The following UBA2 variants were observed in gnomAD, a reference collection of about 807,000 sequenced individuals.
UBA2 encodes SUMO-activating enzyme subunit 2.
Under a neutral mutation model 77.2 loss-of-function variants are expected in UBA2, and 11 were observed. The observed-to-expected ratio is 0.14, with a 90% CI of 0.09 to 0.24. The LOEUF is 0.24. Among genes scored for constraint, UBA2 ranks in the 10% least tolerant of loss-of-function variants. The pLI is 1.00. For missense variants in UBA2, 487 were observed against 781.7 expected, an observed-to-expected ratio of 0.62 and a Z score of 4.50; for synonymous variants, 278 against 276.7, an observed-to-expected ratio of 1.00 and a Z score of -0.05.
intron 3 of UBA2, 28 bp downstream of exon 3, chr19:34,431,959 T>A (rs747071507): frequency 2.5e-6 from 2 of 806,652 alleles, no homozygotes; most frequent in Non-Finnish European, 3.6e-6. Flanking sequence ...CATTGCAAAG[T>A]TGTATAAGGG....
intron 6 of UBA2, among the ~76,000 whole-genome samples, chr19:34,443,567 G>A (rs150061644): frequency 0.015 from 2,234 of 150,678 alleles, 25 homozygotes; most frequent in South Asian, 0.025. Flanking sequence ...TCAGCTTCCC[G>A]AGTAGCTGGG....
At chr19:34,458,191 G>A (rs900136980) in intron 12 of UBA2, among the ~76,000 whole-genome samples, 3 of 152,142 alleles carry the variant, frequency 2.0e-5, no homozygotes, top group African/African-American at 7.2e-5. Flanking sequence ...GCAGAAGAAC[G>A]CGGAGTCTTA....
In UBA2 at chr19:34,450,335, C is replaced by T; in HGVS notation, c.842C>T (p.Pro281Leu). The stretch of plus-strand genomic sequence containing the variant: ...TGGCGGAAAAGGAAACCTCCAGTTC[C>T]GTTGGACTGGGCTGAAGTACAAAGT... ...KLWRKRKPPV[P>L]LDWAEVQSQG... The change falls in exon 9 of 17, where the codon CCG (proline) becomes CTG (leucine). Residue 281 changes from proline (P) to leucine (L), a missense_variant. Coordinates refer to ENST00000246548, the MANE Select transcript of UBA2 (RefSeq NM_005499.3). 3 of 1,609,078 alleles carry T rather than the reference C, an allele frequency of 1.9e-6. No homozygotes were observed. The highest frequency in any genetic ancestry group is 1.7e-5 in the Admixed American group (1 of 58,388).
In UBA2 at chr19:34,458,717, G is replaced by A. The variant is rs1019236631; in HGVS notation, c.1246-52G>A. 77 of 1,519,858 alleles carry A rather than the reference G, an allele frequency of 5.1e-5. 1 individual carries two copies. In the East Asian group the frequency reaches 1.4e-3, roughly 27 times the overall value. The allele number at this position is 1,519,858 out of a possible 1,614,324, so 94.1% of individuals were successfully genotyped here. ...TAAACGAGATTTTAGATTGTATGGC[G>A]TATAAAATTACAGCACGTTTCCGAT... On this transcript the variant is annotated intron_variant, in intron 12 of 16. Transcript: ENST00000246548.
intron 2 of UBA2, among the ~76,000 whole-genome samples, chr19:34,431,115 C>T (rs764859905): frequency 1.1e-4 from 17 of 152,040 alleles, no homozygotes; most frequent in Non-Finnish European, 2.2e-4. Context: ...CAAACCCCCA[C>T]TTGTTTCTCT....
chr19:34,455,413 A>C (rs895416421), intron 12 of UBA2, among the ~76,000 whole-genome samples: 1 of 152,080 alleles, frequency 6.6e-6, no homozygotes, highest in Non-Finnish European at 1.5e-5. Context: ...CTTAAGGCTA[A>C]CACTACTTGG....
At chr19:34,441,853 G>A (rs1295221001) in intron 6 of UBA2, among the ~76,000 whole-genome samples, 4 of 151,610 alleles carry the variant, frequency 2.6e-5, no homozygotes, top group African/African-American at 4.8e-5. Context: ...CCTGGGAGGC[G>A]GAGGTTGAAG....
chr19:34,431,252 T>TC (rs2075251181), intron 2 of UBA2, among the ~76,000 whole-genome samples: 1 of 134,894 alleles, frequency 7.4e-6, no homozygotes. Flanking sequence ...TTCTTTTTTT[T>TC]TTTTTTTTTT....
In UBA2 at chr19:34,452,052, G is replaced by T. The variant is rs748445837; in HGVS notation, c.943G>T (p.Val315Leu). 13 of 1,611,216 alleles carry T rather than the reference G, an allele frequency of 8.1e-6. No homozygotes were observed. The African/African-American group carries it at 1.6e-4, about 20-fold the overall frequency. The part of the protein sequence containing the change: ...LGLKDQQVLD[V>L]KSYARLFSKS... ...CCTGAAAGACCAGCAGGTTCTAGAT[G>T]TAAAGAGCTATGCACGTCTTTTTTC... is the stretch of plus-strand genomic sequence containing the variant. Residue 315 changes from valine to leucine, a missense_variant, in exon 10 of 17, where the codon GTA (valine) becomes TTA (leucine). Transcript: ENST00000246548.
chr19:34,433,453 C>G (rs1258868912), intron 4 of UBA2, 41 bp downstream of exon 4: 1 of 1,269,508 alleles, frequency 7.9e-7, no homozygotes, highest in Non-Finnish European at 1.1e-6. Context: ...AGTATTTCCT[C>G]TCTCCCATAT....
intron 9 of UBA2, among the ~76,000 whole-genome samples, chr19:34,451,004 G>A (rs1431306698): frequency 2.6e-5 from 4 of 151,914 alleles, no homozygotes; most frequent in Non-Finnish European, 5.9e-5. Flanking sequence ...GAAATGAAAA[G>A]TTTTTTGAGG....
At chr19:34,452,741 A>G (rs1029042631) in intron 10 of UBA2, among the ~76,000 whole-genome samples, 18 of 152,172 alleles carry the variant, frequency 1.2e-4, no homozygotes, top group Non-Finnish European at 2.1e-4. Context: ...TGAAGCTTGT[A>G]TGTTCCTGTG....
intron 1 of UBA2, chr19:34,430,336 CAA>C: frequency 2.7e-6 from 1 of 376,384 alleles, no homozygotes; most frequent in Non-Finnish European, 4.8e-6. Flanking sequence ...ATTAAACAAA[CAA>C]AATATACCAT....
At chr19:34,438,841 T>A in intron 6 of UBA2, 75 bp downstream of exon 6, 2 of 1,547,894 alleles carry the variant, frequency 1.3e-6, no homozygotes, top group South Asian at 1.2e-5. Context: ...TTAATTACCT[T>A]GAAGAGATTG....
rs77340642 is a variant in UBA2, at chr19:34,460,466, G to A, written c.1402-4G>A. ...ATTTTGAATCCTTTTTTTTTTTTTT[G>A]TAGATAGTGAAAGAAAAATTTGCTA... On this transcript the variant is annotated splice_region_variant and splice_polypyrimidine_tract_variant and intron_variant, in intron 13 of 16. Coordinates refer to ENST00000246548, the MANE Select transcript of UBA2 (RefSeq NM_005499.3). 1.7e-6 allele frequency: 2 copies of A among 1,182,316 alleles called. No individual in the cohort carries two copies. The highest frequency in any genetic ancestry group is 2.2e-6 in the Non-Finnish European group (2 of 907,530). 73.2% of individuals were successfully genotyped at this position (1,182,316 alleles called of 1,614,324 possible).
Position 34,464,013 on chromosome 19 carries a change from T to TC in UBA2, c.1499-12dup. 1 of 1,581,454 alleles carries TC rather than the reference T, an allele frequency of 6.3e-7. No homozygotes were observed. The highest frequency in any genetic ancestry group is 8.7e-7 in the Non-Finnish European group (1 of 1,150,392). On this transcript the variant is annotated splice_polypyrimidine_tract_variant and intron_variant, in intron 14 of 16. Transcript: ENST00000246548. Reference sequence around the variant, plus strand: ...GATGTAACTGAAGTATCTAAATTATTCACGTTTCCTAGCTAATAATCACAA... The same window carrying TC: ...GATGTAACTGAAGTATCTAAATTATTCCACGTTTCCTAGCTAATAATCACAA...
intron 1 of UBA2, chr19:34,428,775 G>A (rs2075217288): frequency 1.8e-5 from 21 of 1,143,452 alleles, no homozygotes; most frequent in Non-Finnish European, 2.0e-5. Context: ...TCCGCTCGCT[G>A]GGCCGGCTCC....
At chr19:34,468,996 C>T in intron 16 of UBA2, 44 bp from the exon 17 acceptor site, 1 of 1,536,190 alleles carries the variant, frequency 6.5e-7, no homozygotes, top group African/African-American at 1.4e-5. Flanking sequence ...CAGGTAACTC[C>T]CACGCTTTTA....
At chr19:34,459,091 T>G (rs754220267) in intron 13 of UBA2, among the ~76,000 whole-genome samples, 167 bp downstream of exon 13, 1 of 152,204 alleles carries the variant, frequency 6.6e-6, no homozygotes, top group Non-Finnish European at 1.5e-5. Flanking sequence ...CTGTCTGTGG[T>G]TCCAGAATAA....
Sources: gnomAD v4.1 joint callset for allele counts (sites outside exome capture counted in the v4.1 genomes callset) on GRCh38, gnomAD v4.1.1 for gene constraint, MANE v1.5 for transcripts, NCBI Gene and HGNC (gene_info 2026-07-23, HGNC 2026-07-21) for gene names.